The following IFFO1 variants were observed in gnomAD, a reference collection of about 807,000 sequenced individuals.
IFFO1 encodes the protein intermediate filament family orphan 1.
A neutral mutation model predicts 59.6 loss-of-function variants in IFFO1; 42 were observed. The observed-to-expected ratio is 0.70, with a 90% CI of 0.55 to 0.91. IFFO1 has a LOEUF of 0.91. IFFO1 is among the 40% of genes least tolerant of loss of function. The pLI is 0.00. For missense variants in IFFO1, 711 were observed against 793.2 expected, an observed-to-expected ratio of 0.90 and a Z score of 1.24; for synonymous variants, 336 against 342.8, an observed-to-expected ratio of 0.98 and a Z score of 0.22.
rs767752049 is a variant in IFFO1 at position 6,541,196 on chromosome 12, G to A, written c.1610+316C>T. ...CACAGGGTCAAATGCACAAATCATG[G>A]CCCTGACTTTAGATAAAAATCTGCC... is the stretch of plus-strand genomic sequence containing the variant. On this transcript the variant is annotated intron_variant, in intron 9 of 9. Coordinates refer to ENST00000619571, the MANE Select transcript of IFFO1 (RefSeq NM_001193457.2). The surrounding 1 kb of genome is among the most constrained non-coding windows in gnomAD (Gnocchi z 4.8). Among the ~76,000 whole-genome samples the A allele has an allele frequency of 6.6e-6, 1 of 152,112 alleles. No individual in the cohort carries two copies. The highest frequency in any genetic ancestry group is 1.5e-5 in the Non-Finnish European group (1 of 68,022).
chr12:6,548,422 T>A lies in IFFO1; in HGVS notation c.1383+3A>T, dbSNP rs748314691. The A allele has an allele frequency of 6.2e-7, 1 of 1,608,122 alleles. No homozygotes were observed. The highest frequency in any genetic ancestry group is 1.7e-5 in the Admixed American group (1 of 59,368). Reference sequence around the variant, plus strand: ...GGGCCCTGAGGCCGGGAGCAGAGGTTACCTCTCCCTGGGCCTCTGCAGCTG... The same window carrying A: ...GGGCCCTGAGGCCGGGAGCAGAGGTAACCTCTCCCTGGGCCTCTGCAGCTG... On this transcript the variant is annotated splice_donor_region_variant and intron_variant, in intron 7 of 9. Transcript: ENST00000619571. This position sits in a 1 kb window ranked among gnomAD's most constrained non-coding sequence, Gnocchi z 6.1.
Position 6,555,480 on chromosome 12 carries a change from T to G in IFFO1, c.550A>C (p.Thr184Pro). 6.2e-7 allele frequency: 1 copy of G among 1,609,456 alleles called. No individual in the cohort carries two copies. The highest frequency in any genetic ancestry group is 2.2e-5 in the East Asian group (1 of 44,572). The change falls in exon 1 of 10, where the codon ACC (threonine) becomes CCC (proline). Residue 184 changes from threonine (T) to proline (P), a missense_variant. Around this residue, in one of 3 missense-constraint regions of IFFO1, gnomAD observed 579 missense variants for 650.3 expected, o/e 0.89. Transcript: ENST00000619571. This position sits in a 1 kb window ranked among gnomAD's most constrained non-coding sequence, Gnocchi z 8.6. ...ATGAAGCGGGCCGACGAGGAATAGG[T>G]GGTGGAGGTGGAGGTGGAGGACGAC... ...LSSSSTSTSTTYSSSARFMPG... is the reference protein window; with the variant it reads ...LSSSSTSTSTPYSSSARFMPG...
chr12:6,546,434 T>A (rs571509504), intron 8 of IFFO1, among the ~76,000 whole-genome samples: 1 of 152,218 alleles, frequency 6.6e-6, no homozygotes, highest in South Asian at 2.1e-4. Flanking sequence ...CGTCCATCCC[T>A]CCTCCCACAG....
chr12:6,550,958 C>T lies in IFFO1; in HGVS notation c.817G>A (p.Val273Ile), dbSNP rs1416234793. 7 of 1,614,108 alleles carry T rather than the reference C, an allele frequency of 4.3e-6. No individual in the cohort carries two copies. In the African/African-American group the frequency reaches 9.3e-5, roughly 22 times the overall value. The change falls in exon 2 of 10, where the codon GTA (valine) becomes ATA (isoleucine). Residue 273 changes from valine (V) to isoleucine (I), a missense_variant. Coordinates refer to ENST00000619571, the MANE Select transcript of IFFO1 (RefSeq NM_001193457.2). ...YTVRIQLQDR[V>I]NELQEEAQEA... ...ACCCTCACCTCCTGGAGCTCATTTA[C>T]ACGGTCTTGCAGCTGGATCCGCACC...
At position 6,555,359 on chromosome 12, in the gene IFFO1, G is replaced by A; in HGVS notation, c.671C>T (p.Pro224Leu). 2 of 1,614,156 alleles carry A rather than the reference G, an allele frequency of 1.2e-6. No homozygotes were observed. Among genetic ancestry groups the A allele is most frequent in the Non-Finnish European group, 8.5e-7 (1 of 1,180,018 alleles). The part of the protein sequence containing the change: ...VQGPGLSWVH[P>L]DGVGVQIDTI... ...GTCGATCTGGACGCCCACCCCATCC[G>A]GGTGCACCCACGACAAGCCAGGCCC... The change falls in exon 1 of 10, where the codon CCG becomes CTG. Residue 224 changes from proline (P) to leucine (L), a missense_variant. By Grantham distance (98) the Pro-to-Leu change is moderately conservative (BLOSUM62 -3). Coordinates refer to ENST00000619571, the MANE Select transcript of IFFO1 (RefSeq NM_001193457.2). This position sits in a 1 kb window ranked among gnomAD's most constrained non-coding sequence, Gnocchi z 8.6.
Position 6,548,041 on chromosome 12 carries a change from C to G in IFFO1, c.1479+24G>C, listed in dbSNP as rs201408271. ...TCAAAACCCTCTGGGACACCACGCCCCTGGCTTCCGCTCCTGCCCTTACCT... is the reference window on the plus strand; with the variant it reads ...TCAAAACCCTCTGGGACACCACGCCGCTGGCTTCCGCTCCTGCCCTTACCT... On this transcript the variant is annotated intron_variant, in intron 8 of 9. Coordinates refer to ENST00000619571, the MANE Select transcript of IFFO1 (RefSeq NM_001193457.2). The surrounding 1 kb of genome is among the most constrained non-coding windows in gnomAD (Gnocchi z 6.1). 7.9e-5 allele frequency: 126 copies of G among 1,585,522 alleles called. No individual in the cohort carries two copies. The African/African-American group carries it at 1.5e-3, about 19-fold the overall frequency.
chr12:6,542,923 G>A (rs747026114), intron 8 of IFFO1, among the ~76,000 whole-genome samples: 5 of 152,178 alleles, frequency 3.3e-5, no homozygotes, highest in African/African-American at 7.2e-5. Context: ...GAAATACAAG[G>A]CTAGTACTGC....
In IFFO1 at chr12:6,540,630, A is replaced by G. The variant is rs1946664968; in HGVS notation, c.1611-42T>C. 3.3e-6 allele frequency: 5 copies of G among 1,534,740 alleles called. No homozygotes were observed. The East Asian group carries it at 1.1e-4, about 35-fold the overall frequency. Reference sequence around the variant, plus strand: ...GTTGTCAACCTTGGGGCAGGCAGGAATCCTGAAGACGGACGGCACTCCTCC... The same window carrying G: ...GTTGTCAACCTTGGGGCAGGCAGGAGTCCTGAAGACGGACGGCACTCCTCC... On this transcript the variant is annotated intron_variant, in intron 9 of 9. Transcript: ENST00000619571.
In IFFO1 at chr12:6,556,019, A is replaced by G; in HGVS notation, c.11T>C (p.Leu4Ser). 1 of 1,580,706 alleles carries G rather than the reference A, an allele frequency of 6.3e-7. No individual in the cohort carries two copies. The highest frequency in any genetic ancestry group is 1.3e-5 in the African/African-American group (1 of 74,426). Reference protein sequence around the residue: MNPLFGPNLFLLQQ... With the variant: MNPSFGPNLFLLQQ... ...CAGGAGGAAGAGGTTGGGGCCGAAT[A>G]ACGGATTCATGGCTGCGCCTTCTGC... Residue 4 changes from leucine (L) to serine (S), a missense_variant, in exon 1 of 10, where the codon TTA becomes TCA. Physicochemically the swap from Leu to Ser is moderately radical, Grantham distance 145. Transcript: ENST00000619571.
chr12:6,546,538 C>T (rs923759708), intron 8 of IFFO1, among the ~76,000 whole-genome samples: 1 of 152,236 alleles, frequency 6.6e-6, no homozygotes, highest in African/African-American at 2.4e-5. Context: ...GGCTGGAGTG[C>T]AGTGGTGCGA....
Position 6,549,491 on chromosome 12 carries a change from A to G in IFFO1, c.1072-7T>C. ...TCAAACTAACCAGCTTCTTCTGTGG[A>G]GGAAGCAAGAGAGAAGATGAGAGGA... On this transcript the variant is annotated splice_region_variant and splice_polypyrimidine_tract_variant and intron_variant, in intron 4 of 9. Coordinates refer to ENST00000619571, the MANE Select transcript of IFFO1 (RefSeq NM_001193457.2). This position sits in a 1 kb window ranked among gnomAD's most constrained non-coding sequence, Gnocchi z 5.0. 2 of 1,611,474 alleles carry G rather than the reference A, an allele frequency of 1.2e-6. No homozygotes were observed. Among genetic ancestry groups the G allele is most frequent in the African/African-American group, 2.7e-5 (2 of 74,974 alleles).
rs768169666 is a variant in IFFO1, at chr12:6,548,753, C to T, written c.1177G>A (p.Glu393Lys). ...TCCCCATCGGGCTGGCGGGGCCCCT[C>T]ACTCTCCGACAGGGAGGTGTCCTCC... is the stretch of plus-strand genomic sequence containing the variant. ...VEEDTSLSES[E>K]GPRQPDGDEE... Residue 393 changes from glutamate to lysine, a missense_variant, in exon 6 of 10, where the codon GAG becomes AAG. Glu to Lys is a moderately conservative substitution (Grantham distance 56, BLOSUM62 1). Coordinates refer to ENST00000619571, the MANE Select transcript of IFFO1 (RefSeq NM_001193457.2). The surrounding 1 kb of genome is among the most constrained non-coding windows in gnomAD (Gnocchi z 6.1). 13 of 1,613,950 alleles carry T rather than the reference C, an allele frequency of 8.1e-6. No individual in the cohort carries two copies. In the African/African-American group the frequency reaches 1.6e-4, roughly 20 times the overall value.
In IFFO1 at chr12:6,555,409, C is replaced by T; in HGVS notation, c.621G>A (p.Pro207=). The T allele has an allele frequency of 6.2e-7, 1 of 1,613,982 alleles. No homozygotes were observed. The stretch of plus-strand genomic sequence containing the variant: ...CTTGCACCAGAGTGGGCTCCAGTCC[C>T]GGCCCGAGCCGGCGGGCGTGCGAGA... ...WSFSHARRLG[P]GLEPTLVQGP... The change falls in exon 1 of 10, where the codon CCG becomes CCA. Residue 207 remains proline (P), a synonymous_variant. Coordinates refer to ENST00000619571, the MANE Select transcript of IFFO1 (RefSeq NM_001193457.2). This position sits in a 1 kb window ranked among gnomAD's most constrained non-coding sequence, Gnocchi z 8.6.
rs1337048050 is a variant in IFFO1 at position 6,541,471 on chromosome 12, G to A, written c.1610+41C>T. The A allele has an allele frequency of 1.7e-5, 28 of 1,608,826 alleles. No homozygotes were observed. The highest frequency in any genetic ancestry group is 2.3e-5 in the Non-Finnish European group (27 of 1,179,306). On this transcript the variant is annotated intron_variant, in intron 9 of 9. Transcript: ENST00000619571. The surrounding 1 kb of genome is among the most constrained non-coding windows in gnomAD (Gnocchi z 4.8). ...CTGTGTTCCAACCTTTCTCCCCGCT[G>A]TGTCCCCCTGGAAGGCCCCATGCCC...
chr12:6,555,808 G>A lies in IFFO1; in HGVS notation c.222C>T (p.Ile74=), dbSNP rs772302736. 4 of 1,612,448 alleles carry A rather than the reference G, an allele frequency of 2.5e-6. No individual in the cohort carries two copies. The highest frequency in any genetic ancestry group is 3.4e-6 in the Non-Finnish European group (4 of 1,179,258). Residue 74 remains isoleucine, a synonymous_variant, in exon 1 of 10, where the codon ATC becomes ATT. Transcript: ENST00000619571. The surrounding 1 kb of genome is among the most constrained non-coding windows in gnomAD (Gnocchi z 8.6). ...MALRNDLGSN[I]NVLKTLNLRF... ...GGAGGTTCAGGGTCTTGAGCACGTT[G>A]ATGTTGGAGCCCAGGTCATTGCGGA...
In IFFO1 at chr12:6,541,767, G is replaced by A; in HGVS notation, c.1480-125C>T. 8.9e-7 allele frequency: 1 copy of A among 1,129,352 alleles called. No homozygotes were observed. Among genetic ancestry groups the A allele is most frequent in the East Asian group, 2.4e-5 (1 of 42,316 alleles). The allele number at this position is 1,129,352 out of a possible 1,614,324, so 70.0% of individuals were successfully genotyped here. A position where few individuals can be genotyped will look rare whatever the true frequency, so the allele number is the denominator to read the frequency against. ...GCCGGGGGCCCAGGCAGCCATTACT[G>A]AAGGCTCAGATTTTAAAATAAACCA... On this transcript the variant is annotated intron_variant, in intron 8 of 9. Coordinates refer to ENST00000619571, the MANE Select transcript of IFFO1 (RefSeq NM_001193457.2). The surrounding 1 kb of genome is among the most constrained non-coding windows in gnomAD (Gnocchi z 4.8).
At chr12:6,551,355 T>C (rs1947224451) in intron 1 of IFFO1, 2 of 1,201,858 alleles carry the variant, frequency 1.7e-6, no homozygotes, top group Non-Finnish European at 2.2e-6. Flanking sequence ...GCCCACCTCC[T>C]GCCCACACCA....
In IFFO1 at chr12:6,555,602, G is replaced by A. The variant is rs1221118936; in HGVS notation, c.428C>T (p.Ala143Val). ...AGGGCTGCAGACAGCGGCCGGCCGG[G>A]CGCCCAGCTGCAGCCCCAGGGGCCG... ...PIRPLGLQLGARPAAVCSPSA... is the reference protein window; with the variant it reads ...PIRPLGLQLGVRPAAVCSPSA... Residue 143 changes from alanine (A) to valine (V), a missense_variant, in exon 1 of 10, where the codon GCC (alanine) becomes GTC (valine). By Grantham distance (64) the Ala-to-Val change is moderately conservative. Coordinates refer to ENST00000619571, the MANE Select transcript of IFFO1 (RefSeq NM_001193457.2). This position sits in a 1 kb window ranked among gnomAD's most constrained non-coding sequence, Gnocchi z 8.6. 6 of 1,415,474 alleles carry A rather than the reference G, an allele frequency of 4.2e-6. No homozygotes were observed. The highest frequency in any genetic ancestry group is 5.5e-6 in the Non-Finnish European group (6 of 1,090,534). The allele number at this position is 1,415,474 out of a possible 1,614,324, so 87.7% of individuals were successfully genotyped here. A position where few individuals can be genotyped will look rare whatever the true frequency, so the allele number is the denominator to read the frequency against.
In IFFO1 at chr12:6,555,599, C is replaced by T. The variant is rs761171598; in HGVS notation, c.431G>A (p.Arg144Gln). The T allele has an allele frequency of 5.9e-5, 83 of 1,412,656 alleles. No homozygotes were observed. Among genetic ancestry groups the T allele is most frequent in the Non-Finnish European group, 5.6e-5 (61 of 1,089,020 alleles). The allele number at this position is 1,412,656 out of a possible 1,614,324, so 87.5% of individuals were successfully genotyped here. A position where few individuals can be genotyped will look rare whatever the true frequency, so the allele number is the denominator to read the frequency against. Reference protein sequence around the residue: ...IRPLGLQLGARPAAVCSPSAR... With the variant: ...IRPLGLQLGAQPAAVCSPSAR... ...CGAAGGGCTGCAGACAGCGGCCGGCCGGGCGCCCAGCTGCAGCCCCAGGGG... is the reference window on the plus strand; with the variant it reads ...CGAAGGGCTGCAGACAGCGGCCGGCTGGGCGCCCAGCTGCAGCCCCAGGGG... Residue 144 changes from arginine to glutamine, a missense_variant, in exon 1 of 10, where the codon CGG becomes CAG. Arg to Gln is a conservative substitution (Grantham distance 43). This residue lies in a region of IFFO1 where 579 missense variants were observed against 650.3 expected (regional missense o/e 0.89). Coordinates refer to ENST00000619571, the MANE Select transcript of IFFO1 (RefSeq NM_001193457.2). The surrounding 1 kb of genome is among the most constrained non-coding windows in gnomAD (Gnocchi z 8.6).
Sources: gnomAD v4.1 joint callset for allele counts (sites outside exome capture counted in the v4.1 genomes callset) on GRCh38, gnomAD v4.1.1 for gene constraint, gnomAD v4.1.1 regional missense constraint, Gnocchi (gnomAD v3.1) non-coding constraint, MANE v1.5 for transcripts, NCBI Gene and HGNC (gene_info 2026-07-23, HGNC 2026-07-21) for gene names.